The following NUBPL variants were observed in gnomAD, a reference collection of about 807,000 sequenced individuals.
The protein encoded by NUBPL is NUBP iron-sulfur cluster assembly factor, mitochondrial, also known as iron-sulfur cluster transfer protein NUBPL.
Under a neutral mutation model 45.7 loss-of-function variants are expected in NUBPL, and 31 were observed. That is an observed-to-expected ratio of 0.68 (90% CI 0.51 to 0.92). The LOEUF (loss-of-function observed/expected upper bound fraction) is 0.92, where lower values mean the gene tolerates loss of function less well. NUBPL is among the 40% of genes least tolerant of loss of function. The pLI, the probability that NUBPL is intolerant of heterozygous loss-of-function variation, is 0.00. For synonymous variants in NUBPL, 144 were observed against 140.9 expected, an observed-to-expected ratio of 1.02 and a Z score of -0.15; for missense variants, 401 against 398.7, an observed-to-expected ratio of 1.01 and a Z score of -0.05.
At chr14:31,708,953 C>A (rs764433038) in intron 6 of NUBPL, among the ~76,000 whole-genome samples, 1 of 152,146 alleles carries the variant, frequency 6.6e-6, no homozygotes, top group Non-Finnish European at 1.5e-5. Flanking sequence ...ATAAGCCCTA[C>A]CGGGTGATTG....
chr14:31,850,677 A>G (rs2040524688), intron 10 of NUBPL, among the ~76,000 whole-genome samples: 1 of 151,966 alleles, frequency 6.6e-6, no homozygotes. Context: ...CTGGAGTACA[A>G]TTGTGCGATC....
intron 4 of NUBPL, among the ~76,000 whole-genome samples, chr14:31,630,540 A>G (rs1267604657): frequency 1.3e-5 from 2 of 152,158 alleles, no homozygotes; most frequent in Non-Finnish European, 2.9e-5. Context: ...TAGTTCTAGA[A>G]GTCCCTCCAT....
intron 3 of NUBPL, among the ~76,000 whole-genome samples, chr14:31,572,694 A>G (rs570236945): frequency 4.6e-5 from 7 of 152,300 alleles, no homozygotes; most frequent in South Asian, 2.1e-4. Flanking sequence ...AAGATGACGT[A>G]TGGTCATGCT....
chr14:31,619,852 TCTC>T (rs1238773529), intron 4 of NUBPL, among the ~76,000 whole-genome samples: 1 of 152,052 alleles, frequency 6.6e-6, no homozygotes, highest in Non-Finnish European at 1.5e-5. Context: ...TTGGGGGAGT[TCTC>T]CTGGAAAACA....
At chr14:31,800,955 AC>A (rs2039576505) in intron 7 of NUBPL, 1 of 152,240 alleles carries the variant, frequency 6.6e-6, no homozygotes, top group Non-Finnish European at 1.5e-5. Flanking sequence ...GCAACTAGTT[AC>A]AAAGGAGTGA....
At chr14:31,585,525 G>A (rs980983511) in intron 3 of NUBPL, among the ~76,000 whole-genome samples, 3 of 152,102 alleles carry the variant, frequency 2.0e-5, no homozygotes, top group Admixed American at 6.6e-5. Flanking sequence ...GCAAATTTTC[G>A]TGTGTACGTA....
intron 4 of NUBPL, among the ~76,000 whole-genome samples, chr14:31,667,108 T>G (rs1254845364): frequency 6.6e-6 from 1 of 152,170 alleles, no homozygotes; most frequent in African/African-American, 2.4e-5. Context: ...CTTGCTAGAT[T>G]GGGGAAGTTC....
At chr14:31,787,192 C>T (rs148450878) in intron 6 of NUBPL, among the ~76,000 whole-genome samples, 1 of 152,098 alleles carries the variant, frequency 6.6e-6, no homozygotes, top group African/African-American at 2.4e-5. Context: ...CCTGAGGTAC[C>T]CTTGAGACCT....
intron 3 of NUBPL, among the ~76,000 whole-genome samples, chr14:31,596,520 A>G (rs572869148): frequency 6.2e-4 from 95 of 152,330 alleles, no homozygotes; most frequent in Non-Finnish European, 1.1e-3. Flanking sequence ...GAACACAGCC[A>G]TGTTAATTTA....
At chr14:31,785,865 A>G (rs2039274650) in intron 6 of NUBPL, among the ~76,000 whole-genome samples, 1 of 152,188 alleles carries the variant, frequency 6.6e-6, no homozygotes, top group African/African-American at 2.4e-5. Context: ...TTATTTTAAA[A>G]GTATGATTAT....
intron 4 of NUBPL, among the ~76,000 whole-genome samples, chr14:31,623,061 C>T (rs138987089): frequency 1.5e-3 from 231 of 152,344 alleles, no homozygotes; most frequent in Middle Eastern, 0.014. Context: ...CCCAACTCCT[C>T]GGGAGCCCAC....
At chr14:31,624,767 G>A (rs1346918322) in intron 4 of NUBPL, among the ~76,000 whole-genome samples, 1 of 152,148 alleles carries the variant, frequency 6.6e-6, no homozygotes, top group African/African-American at 2.4e-5. Flanking sequence ...GTTTCATCAT[G>A]TTGGCCAGGC....
At chr14:31,634,187 A>G (rs1373527707) in intron 4 of NUBPL, among the ~76,000 whole-genome samples, 1 of 150,276 alleles carries the variant, frequency 6.7e-6, no homozygotes, top group Non-Finnish European at 1.5e-5. Flanking sequence ...TGCTGCACCC[A>G]TTAACTCGTC....
At chr14:31,783,671 C>T (rs2039233731) in intron 6 of NUBPL, among the ~76,000 whole-genome samples, 1 of 152,040 alleles carries the variant, frequency 6.6e-6, no homozygotes, top group Admixed American at 6.6e-5. Context: ...ACACCCACCA[C>T]CAGGCCCAGC....
At chr14:31,826,764 A>T (rs1489725770) in intron 8 of NUBPL, 50 bp downstream of exon 8, 1 of 1,499,336 alleles carries the variant, frequency 6.7e-7, no homozygotes, top group Admixed American at 1.7e-5. Context: ...TTCTAACTGA[A>T]GAAGCAAGTC....
intron 4 of NUBPL, among the ~76,000 whole-genome samples, chr14:31,634,599 T>TG (rs890514089): frequency 9.9e-5 from 15 of 152,244 alleles, no homozygotes; most frequent in African/African-American, 3.4e-4. Flanking sequence ...TTTGGGTATA[T>TG]ACCCAGTAAT....
rs570883572 is a variant in NUBPL at position 31,673,285 on chromosome 14, A to G, written c.383-70A>G. The stretch of plus-strand genomic sequence containing the variant: ...AAAAAATTTTTAAAAAGATGAAAAA[A>G]AAACCCAATTCAGAATGTTTATGTG... On this transcript the variant is annotated intron_variant, in intron 4 of 10. Coordinates refer to ENST00000281081, the MANE Select transcript of NUBPL (RefSeq NM_025152.3). 5.8e-6 allele frequency: 8 copies of G among 1,379,292 alleles called. No homozygotes were observed. In the South Asian group the frequency reaches 6.6e-5, roughly 11 times the overall value. 85.4% of individuals were successfully genotyped at this position (1,379,292 alleles called of 1,614,324 possible).
At chr14:31,658,755 A>T (rs948746702) in intron 4 of NUBPL, among the ~76,000 whole-genome samples, 1 of 151,952 alleles carries the variant, frequency 6.6e-6, no homozygotes, top group South Asian at 2.1e-4. Flanking sequence ...CAAGTGATCC[A>T]CCTGCCTCGG....
At chr14:31,828,601 ACCCCCTAT>A (rs1166078441) in intron 8 of NUBPL, among the ~76,000 whole-genome samples, 1 of 152,168 alleles carries the variant, frequency 6.6e-6, no homozygotes, top group African/African-American at 2.4e-5. Context: ...TTAAAATTTT[ACCCCCTAT>A]AAATTATCAT....
Sources: allele counts gnomAD v4.1 joint callset (sites outside exome capture counted in the v4.1 genomes callset), GRCh38; gene constraint gnomAD v4.1.1; transcripts MANE v1.5; gene names NCBI Gene and HGNC (gene_info 2026-07-23, HGNC 2026-07-21).